ERO1A: variants seen among roughly 807,000 people sequenced by gnomAD.
The protein encoded by ERO1A is ERO1-like protein alpha.
A neutral mutation model predicts 76.9 loss-of-function variants in ERO1A; 49 were observed. That is an observed-to-expected ratio of 0.64 (90% CI 0.51 to 0.81). The LOEUF (loss-of-function observed/expected upper bound fraction) is 0.81. Among genes scored for constraint, ERO1A ranks in the 30% least tolerant of loss-of-function variants. The pLI, the probability that ERO1A is intolerant of heterozygous loss-of-function variation, is 0.00. For synonymous variants in ERO1A, 174 were observed against 181.2 expected, an observed-to-expected ratio of 0.96 and a Z score of 0.32; for missense variants, 448 against 542.1, an observed-to-expected ratio of 0.83 and a Z score of 1.72.
At chr14:52,672,990 A>G (rs760205541) in intron 4 of ERO1A, among the ~76,000 whole-genome samples, 1 of 152,194 alleles carries the variant, frequency 6.6e-6, no homozygotes, top group Non-Finnish European at 1.5e-5. Flanking sequence ...TCTGAATCAT[A>G]TTAAACACCA....
At chr14:52,688,377 CT>C (rs1231235658) in intron 1 of ERO1A, among the ~76,000 whole-genome samples, 5 of 152,160 alleles carry the variant, frequency 3.3e-5, no homozygotes, top group Non-Finnish European at 7.3e-5. Flanking sequence ...AATCCCATCT[CT>C]GCCAGTCATT....
intron 11 of ERO1A, 95 bp from the exon 12 acceptor site, chr14:52,653,410 T>C (rs2039943127): frequency 1.0e-6 from 1 of 983,150 alleles, no homozygotes; most frequent in Non-Finnish European, 1.4e-6. Flanking sequence ...GTTAATTTCA[T>C]TTTGCATTTT....
intron 1 of ERO1A, among the ~76,000 whole-genome samples, chr14:52,694,185 T>C (rs1347143159): frequency 1.3e-5 from 2 of 152,202 alleles, no homozygotes; most frequent in African/African-American, 2.4e-5. Context: ...TTAATCTCGG[T>C]GTTGCGTTAT....
chr14:52,656,647 G>A (rs1457043051), intron 11 of ERO1A, among the ~76,000 whole-genome samples: 2 of 149,692 alleles, frequency 1.3e-5, no homozygotes, highest in African/African-American at 2.5e-5. Flanking sequence ...AGGAGGCAGA[G>A]GTCACAGTGA....
In ERO1A at chr14:52,639,954, C is replaced by T. The variant is rs1191693009; in HGVS notation, c.*3616G>A. On this transcript the variant is annotated 3_prime_UTR_variant, in exon 16 of 16. Coordinates refer to ENST00000395686, the MANE Select transcript of ERO1A (RefSeq NM_014584.3). ...AGCTTTATTGACCCCCTAAAGTCTA[C>T]AAATCCTTGGGACTCTACTGACCCT... The T allele has an allele frequency of 6.6e-6, 1 of 152,122 alleles. No individual in the cohort carries two copies. The highest frequency in any genetic ancestry group is 2.4e-5 in the African/African-American group (1 of 41,414). The allele number at this position is 152,122 out of a possible 1,614,324, so 9.4% of individuals were successfully genotyped here.
chr14:52,643,750 T>G, intron 15 of ERO1A, 120 bp from the exon 16 acceptor site: 1 of 567,482 alleles, frequency 1.8e-6, no homozygotes, highest in Non-Finnish European at 3.0e-6. Context: ...TTAAGGTGCA[T>G]AAACCATTTA....
At position 52,640,372 on chromosome 14, in the gene ERO1A, G is replaced by C. The variant is rs2039432885; in HGVS notation, c.*3198C>G. The C allele has an allele frequency of 6.6e-6, 1 of 152,240 alleles. No homozygotes were observed. The allele number at this position is 152,240 out of a possible 1,614,324, so 9.4% of individuals were successfully genotyped here. A position where few individuals can be genotyped will look rare whatever the true frequency, so the allele number is the denominator to read the frequency against. On this transcript the variant is annotated 3_prime_UTR_variant, in exon 16 of 16. Coordinates refer to ENST00000395686, the MANE Select transcript of ERO1A (RefSeq NM_014584.3). ...GTGGGGAAGGATGACTAGCATACTT[G>C]ATGCAAAGAGTACAGCATTTACCAA...
intron 1 of ERO1A, among the ~76,000 whole-genome samples, chr14:52,694,555 T>C (rs576588747): frequency 9.5e-4 from 144 of 152,120 alleles, no homozygotes; most frequent in African/African-American, 3.2e-3. Context: ...TAAAACGTAA[T>C]TTTTATCAAC....
intron 6 of ERO1A, among the ~76,000 whole-genome samples, chr14:52,671,001 C>T (rs1378010335): frequency 2.6e-5 from 4 of 152,206 alleles, no homozygotes; most frequent in African/African-American, 4.8e-5. Context: ...TTAGCAATAA[C>T]GCCTACCCAC....
At chr14:52,644,830 A>C (rs1566633081) in intron 15 of ERO1A, among the ~76,000 whole-genome samples, 1 of 152,156 alleles carries the variant, frequency 6.6e-6, no homozygotes, top group Non-Finnish European at 1.5e-5. Flanking sequence ...TCATGAAAAA[A>C]ACAGAATAAT....
At chr14:52,683,705 C>G in intron 2 of ERO1A, 83 bp downstream of exon 2, 1 of 620,744 alleles carries the variant, frequency 1.6e-6, no homozygotes, top group East Asian at 3.2e-5. Flanking sequence ...ATAACAACTA[C>G]AATTTTGAAG....
At position 52,646,550 on chromosome 14, in the gene ERO1A, G is replaced by A; in HGVS notation, c.1126-89C>T. The A allele has an allele frequency of 6.1e-6, 6 of 979,062 alleles. No homozygotes were observed. In the South Asian group the frequency reaches 9.4e-5, roughly 15 times the overall value. 60.6% of individuals were successfully genotyped at this position (979,062 alleles called of 1,614,324 possible). A position where few individuals can be genotyped will look rare whatever the true frequency, so the allele number is the denominator to read the frequency against. On this transcript the variant is annotated intron_variant, in intron 13 of 15. Transcript: ENST00000395686. The stretch of plus-strand genomic sequence containing the variant: ...GAGCAGGTTCTATGTGCCTAACACT[G>A]TGCAAGGTACTATGGGGTACCAAAA...
chr14:52,655,165 G>A (rs893862684), intron 11 of ERO1A, among the ~76,000 whole-genome samples: 2 of 152,124 alleles, frequency 1.3e-5, no homozygotes, highest in African/African-American at 4.8e-5. Flanking sequence ...AGGAGTTTGA[G>A]ACCAGCCTTA....
chr14:52,661,250 A>G, intron 9 of ERO1A, 43 bp downstream of exon 9: 1 of 807,546 alleles, frequency 1.2e-6, no homozygotes, highest in Non-Finnish European at 1.8e-6. Flanking sequence ...ATCTGAATGT[A>G]TAAACAAATT....
At chr14:52,689,753 A>G (rs1244988778) in intron 1 of ERO1A, among the ~76,000 whole-genome samples, 1 of 152,178 alleles carries the variant, frequency 6.6e-6, no homozygotes, top group Non-Finnish European at 1.5e-5. Context: ...TCAAAACTCC[A>G]ATGGCATTTT....
At chr14:52,683,342 T>C (rs754020135) in intron 2 of ERO1A, among the ~76,000 whole-genome samples, 1 of 152,188 alleles carries the variant, frequency 6.6e-6, no homozygotes, top group Non-Finnish European at 1.5e-5. Flanking sequence ...GTAAACTGAC[T>C]ACAACTAAAT....
At chr14:52,648,637 G>A (rs778697171) in intron 13 of ERO1A, among the ~76,000 whole-genome samples, 18 of 152,094 alleles carry the variant, frequency 1.2e-4, no homozygotes, top group Non-Finnish European at 2.1e-4. Context: ...AAAATACTCT[G>A]TCATGAGAAG....
intron 1 of ERO1A, among the ~76,000 whole-genome samples, chr14:52,692,543 A>G (rs544844083): frequency 6.6e-6 from 1 of 152,346 alleles, no homozygotes; most frequent in Non-Finnish European, 1.5e-5. Flanking sequence ...GAACCAGAGA[A>G]GATTTTAACT....
intron 6 of ERO1A, 86 bp from the exon 7 acceptor site, chr14:52,666,581 A>G: frequency 8.5e-7 from 1 of 1,175,108 alleles, no homozygotes; most frequent in Non-Finnish European, 1.2e-6. Flanking sequence ...CATTGATTCT[A>G]ACGCACCACA....
Sources: gnomAD v4.1 joint callset for allele counts (sites outside exome capture counted in the v4.1 genomes callset) on GRCh38, gnomAD v4.1.1 for gene constraint, MANE v1.5 for transcripts, NCBI Gene and HGNC (gene_info 2026-07-23, HGNC 2026-07-21) for gene names.